Variants in HCN1 observed in about 807,000 individuals in gnomAD.
HCN1 encodes the protein potassium/sodium hyperpolarization-activated cyclic nucleotide-gated channel 1.
In HCN1, 13 loss-of-function variants were observed where a neutral mutation model predicts 78.9. The ratio of observed to expected loss-of-function variants is 0.16; its 90% CI spans 0.11 to 0.26. The LOEUF is 0.26. HCN1 is among the 10% of genes least tolerant of loss of function. The pLI, the probability that HCN1 is intolerant of heterozygous loss-of-function variation, is 1.00. For missense variants in HCN1, 810 were observed against 1,154.3 expected, an observed-to-expected ratio of 0.70 and a Z score of 4.32; for synonymous variants, 552 against 455.5, an observed-to-expected ratio of 1.21 and a Z score of -2.70.
chr5:45,370,124 G>A (rs916667108), intron 4 of HCN1, among the ~76,000 whole-genome samples: 2 of 151,672 alleles, frequency 1.3e-5, no homozygotes, highest in Non-Finnish European at 2.9e-5. Flanking sequence ...TGTTTTCACT[G>A]TTAATGGAGT....
intron 5 of HCN1, among the ~76,000 whole-genome samples, chr5:45,324,931 TC>T (rs1359772856): frequency 2.0e-5 from 3 of 151,792 alleles, no homozygotes; most frequent in Non-Finnish European, 4.4e-5. Context: ...AAGCTTCTAC[TC>T]CTTTGGAGCA....
intron 2 of HCN1, among the ~76,000 whole-genome samples, chr5:45,546,577 C>T (rs1027219536): frequency 6.6e-6 from 1 of 151,768 alleles, no homozygotes; most frequent in African/African-American, 2.4e-5. Flanking sequence ...CATCTTAGTT[C>T]TATTACTTCG....
intron 6 of HCN1, among the ~76,000 whole-genome samples, chr5:45,285,395 CTCT>C (rs1230395988): frequency 6.6e-6 from 1 of 152,010 alleles, no homozygotes; most frequent in East Asian, 1.9e-4. Flanking sequence ...CTCATTTTCA[CTCT>C]TCTTATATTA....
In HCN1 at chr5:45,262,562, G is replaced by A; in HGVS notation, c.2032C>T (p.Leu678=). The change falls in exon 8 of 8, where the codon CTG becomes TTG. Residue 678 remains leucine, a synonymous_variant. Transcript: ENST00000303230. ...YTATSLSHSN[L]HSPSPSTQTP... ...TGTGTGCTGGGACTGGGGGAGTGCA[G>A]GTTGCTGTGAGACAGGCTGGTCGCT... The A allele has an allele frequency of 6.2e-7, 1 of 1,614,018 alleles. No homozygotes were observed. Among genetic ancestry groups the A allele is most frequent in the Non-Finnish European group, 8.5e-7 (1 of 1,180,016 alleles).
chr5:45,269,017 T>C (rs1017068728), intron 6 of HCN1, among the ~76,000 whole-genome samples: 5 of 152,214 alleles, frequency 3.3e-5, no homozygotes, highest in African/African-American at 1.2e-4. Context: ...TTTCAAATCT[T>C]GTGTGGAATG....
At chr5:45,459,827 C>G (rs1308059610) in intron 3 of HCN1, among the ~76,000 whole-genome samples, 2 of 151,986 alleles carry the variant, frequency 1.3e-5, no homozygotes, top group Admixed American at 1.3e-4. Context: ...TGTTTTTATA[C>G]TATCCTCTCA....
chr5:45,592,818 G>A (rs1226155251), intron 2 of HCN1, among the ~76,000 whole-genome samples: 1 of 152,020 alleles, frequency 6.6e-6, no homozygotes, highest in African/African-American at 2.4e-5. Context: ...TTTTAACATA[G>A]GTACAAGAAC....
At chr5:45,292,697 A>G (rs1040403072) in intron 6 of HCN1, among the ~76,000 whole-genome samples, 2 of 152,010 alleles carry the variant, frequency 1.3e-5, no homozygotes, top group African/African-American at 4.8e-5. Flanking sequence ...TGAGAATAAT[A>G]TTAAAGTGAA....
intron 3 of HCN1, among the ~76,000 whole-genome samples, chr5:45,458,342 C>T (rs1444064499): frequency 6.6e-6 from 1 of 151,454 alleles, no homozygotes; most frequent in Non-Finnish European, 1.5e-5. Flanking sequence ...TTTGTTAGAC[C>T]CACTAATCTT....
chr5:45,389,451 A>G (rs1045557432), intron 4 of HCN1, among the ~76,000 whole-genome samples: 2 of 152,096 alleles, frequency 1.3e-5, no homozygotes, highest in Admixed American at 6.6e-5. Flanking sequence ...AGTGCTTTCT[A>G]TGAATCATTC....
At chr5:45,469,765 A>C (rs1233074635) in intron 2 of HCN1, among the ~76,000 whole-genome samples, 2 of 151,580 alleles carry the variant, frequency 1.3e-5, no homozygotes, top group Non-Finnish European at 3.0e-5. Flanking sequence ...AGAATAATTA[A>C]AAATCCTAAT....
At position 45,473,386 on chromosome 5, in the gene HCN1, A is replaced by G. The variant is rs150064442; in HGVS notation, c.850-11379T>C. On this transcript the variant is annotated intron_variant, in intron 2 of 7. Coordinates refer to ENST00000303230, the MANE Select transcript of HCN1 (RefSeq NM_021072.4). ...AAAAAACTTACCCAGATTTTCCAAAATCTATCATACTAAGCCTGCTTACCT... is the reference window on the plus strand; with the variant it reads ...AAAAAACTTACCCAGATTTTCCAAAGTCTATCATACTAAGCCTGCTTACCT... 4.8e-4 allele frequency among the ~76,000 whole-genome samples: 73 copies of G among 151,996 alleles called. 1 individual carries two copies. In the East Asian group the frequency reaches 0.013, roughly 26 times the overall value.
chr5:45,368,537 T>C (rs1283440941), intron 4 of HCN1, among the ~76,000 whole-genome samples: 1 of 151,992 alleles, frequency 6.6e-6, no homozygotes, highest in African/African-American at 2.4e-5. Flanking sequence ...GTTTTATGGC[T>C]TTAGACTCTA....
At chr5:45,287,004 C>T (rs1306034749) in intron 6 of HCN1, among the ~76,000 whole-genome samples, 2 of 151,720 alleles carry the variant, frequency 1.3e-5, no homozygotes, top group Admixed American at 6.6e-5. Context: ...ATAGATAGGT[C>T]AGAACAGTCA....
chr5:45,504,470 G>A (rs1453659907), intron 2 of HCN1, among the ~76,000 whole-genome samples: 4 of 152,096 alleles, frequency 2.6e-5, no homozygotes, highest in Admixed American at 6.6e-5. Flanking sequence ...TGGTGTATAT[G>A]TGCCACATTT....
chr5:45,561,394 A>G (rs1317897337), intron 2 of HCN1, among the ~76,000 whole-genome samples: 1 of 152,108 alleles, frequency 6.6e-6, no homozygotes, highest in Non-Finnish European at 1.5e-5. Flanking sequence ...TACTTCTAAT[A>G]CCAAAAAAGT....
intron 2 of HCN1, among the ~76,000 whole-genome samples, chr5:45,567,132 T>C (rs1366414398): frequency 6.6e-6 from 1 of 152,140 alleles, no homozygotes; most frequent in African/African-American, 2.4e-5. Context: ...AGTAAGACAA[T>C]TAAGATGAAC....
At chr5:45,431,981 G>T (rs1260185952) in intron 3 of HCN1, among the ~76,000 whole-genome samples, 3 of 152,086 alleles carry the variant, frequency 2.0e-5, no homozygotes, top group African/African-American at 7.2e-5. Context: ...AATGTCATTG[G>T]TAGTTTCATA....
At chr5:45,382,930 A>G (rs988123639) in intron 4 of HCN1, among the ~76,000 whole-genome samples, 4 of 152,176 alleles carry the variant, frequency 2.6e-5, no homozygotes, top group African/African-American at 9.6e-5. Context: ...TAACTACTAC[A>G]CTACAGTAGA....
Sources: allele counts gnomAD v4.1 joint callset (sites outside exome capture counted in the v4.1 genomes callset), GRCh38; gene constraint gnomAD v4.1.1; transcripts MANE v1.5; gene names NCBI Gene and HGNC (gene_info 2026-07-23, HGNC 2026-07-21).